The following SAMMSON variants were observed in gnomAD, a reference collection of about 807,000 sequenced individuals.
SAMMSON encodes the protein survival associated mitochondrial melanoma specific oncogenic non-coding RNA.
At chr3:70,056,968 C>G (rs570295598) in intron 3 of SAMMSON, among the ~76,000 whole-genome samples, 2 of 152,016 alleles carry the variant, frequency 1.3e-5, no homozygotes, top group Admixed American at 6.6e-5. Flanking sequence ...ATGAAAATAG[C>G]TGCAACCAGA....
chr3:70,227,673 C>A (rs539717607), intron 4 of SAMMSON, among the ~76,000 whole-genome samples: 6 of 152,306 alleles, frequency 3.9e-5, no homozygotes, highest in African/African-American at 1.2e-4. Flanking sequence ...TTAACAATTT[C>A]TACAGGCTTT....
intron 3 of SAMMSON, among the ~76,000 whole-genome samples, chr3:70,035,241 C>G (rs2067081014): frequency 6.6e-6 from 1 of 152,100 alleles, no homozygotes. Flanking sequence ...TTAGGGCTGT[C>G]CACATCCTGT....
At chr3:70,330,931 T>C (rs964053625) in intron 7 of SAMMSON, among the ~76,000 whole-genome samples, 2 of 152,182 alleles carry the variant, frequency 1.3e-5, no homozygotes, top group Non-Finnish European at 2.9e-5. Context: ...TATACACTTA[T>C]AAGTGAAAGG....
rs181074047 is a variant in SAMMSON at position 70,142,293 on chromosome 3, A to T, written n.507+70728A>T. ...ATGGAACCAACCCAAGTGGCCATCA[A>T]TCAACAAGTGGATAAAGAAACTGTG... On this transcript the variant is annotated intron_variant and non_coding_transcript_variant, in intron 4 of 9. Transcript: ENST00000642114. 4.6e-4 allele frequency among the ~76,000 whole-genome samples: 70 copies of T among 152,340 alleles called. 1 individual carries two copies. The East Asian group carries it at 0.01, about 23-fold the overall frequency.
Position 70,029,855 on chromosome 3 carries a change from G to T in SAMMSON, n.417+16183G>T, listed in dbSNP as rs2107583488. Among the ~76,000 whole-genome samples, 3 of 151,844 alleles carry T rather than the reference G, an allele frequency of 2.0e-5. No individual in the cohort carries two copies. In the South Asian group the frequency reaches 6.3e-4, roughly 32 times the overall value. On this transcript the variant is annotated intron_variant and non_coding_transcript_variant, in intron 3 of 9. Coordinates refer to ENST00000642114, the Ensembl canonical transcript of SAMMSON. ...TAACTTCCAATAGGAAGAATTGGTT[G>T]AAATCCTTGCTTTTTACTATTTGAG...
At chr3:70,155,763 G>A (rs1180078389) in intron 4 of SAMMSON, among the ~76,000 whole-genome samples, 1 of 151,790 alleles carries the variant, frequency 6.6e-6, no homozygotes, top group East Asian at 1.9e-4. Flanking sequence ...CTTTGTTCTT[G>A]CAAAACTGAT....
At chr3:70,148,419 TG>T (rs1248109921) in intron 4 of SAMMSON, among the ~76,000 whole-genome samples, 1 of 152,168 alleles carries the variant, frequency 6.6e-6, no homozygotes, top group East Asian at 1.9e-4. Flanking sequence ...TTAAAAATCT[TG>T]TGCAATAGCT....
intron 7 of SAMMSON, among the ~76,000 whole-genome samples, chr3:70,337,122 T>G (rs1266059761): frequency 9.4e-6 from 1 of 106,858 alleles, no homozygotes; most frequent in Non-Finnish European, 2.1e-5. Context: ...TTCTTATTAA[T>G]AATAATATCT....
intron 4 of SAMMSON, among the ~76,000 whole-genome samples, chr3:70,081,223 C>T (rs1479490241): frequency 1.3e-5 from 2 of 152,210 alleles, no homozygotes; most frequent in African/African-American, 4.8e-5. Context: ...ACTCCATTCT[C>T]CTGCCTCAGC....
intron 3 of SAMMSON, among the ~76,000 whole-genome samples, chr3:70,049,948 A>G (rs2067140158): frequency 1.3e-5 from 2 of 152,128 alleles, no homozygotes; most frequent in Non-Finnish European, 2.9e-5. Flanking sequence ...CAGCTGCCCC[A>G]TTCACATTTA....
At chr3:70,342,663 G>GA (rs1702719904) in intron 7 of SAMMSON, among the ~76,000 whole-genome samples, 1 of 152,116 alleles carries the variant, frequency 6.6e-6, no homozygotes, top group Admixed American at 6.6e-5. Flanking sequence ...GAGTTTATGA[G>GA]ATATACACCC....
At chr3:70,283,876 T>C (rs1047461156) in intron 6 of SAMMSON, 6 of 152,016 alleles carry the variant, frequency 3.9e-5, no homozygotes, top group Non-Finnish European at 8.8e-5. Flanking sequence ...TTTAAGAGAA[T>C]GTGTAAAATG....
intron 3 of SAMMSON, chr3:70,024,737 G>T (rs1009610070): frequency 6.6e-5 from 10 of 152,182 alleles, no homozygotes; most frequent in Non-Finnish European, 1.3e-4. Flanking sequence ...CATTTAGGCT[G>T]GTTCCAAGAA....
In SAMMSON at chr3:70,055,693, G is replaced by T. The variant is rs542069230; in HGVS notation, n.418-15783G>T. Among the ~76,000 whole-genome samples, 5 of 152,198 alleles carry T rather than the reference G, an allele frequency of 3.3e-5. No individual in the cohort carries two copies. The East Asian group carries it at 9.7e-4, about 29-fold the overall frequency. On this transcript the variant is annotated intron_variant and non_coding_transcript_variant, in intron 3 of 9. Transcript: ENST00000642114. ...TCTTTTCTAAGGCATGTGGAATTTT[G>T]CATAAATTCTAAATAATGTGTTGTT...
chr3:70,022,953 C>T (rs557684066), intron 3 of SAMMSON, among the ~76,000 whole-genome samples: 16 of 152,278 alleles, frequency 1.1e-4, no homozygotes, highest in African/African-American at 3.4e-4. Flanking sequence ...GTTGGTATTT[C>T]ATGTAATTGC....
At chr3:70,289,210 TC>T (rs1702201442) in intron 6 of SAMMSON, among the ~76,000 whole-genome samples, 1 of 150,630 alleles carries the variant, frequency 6.6e-6, no homozygotes, top group African/African-American at 2.4e-5. Context: ...GTTGTTCCTT[TC>T]CATGTTTAGC....
chr3:70,418,904 G>T lies in SAMMSON; in HGVS notation n.234-43656G>T, dbSNP rs151077071. ...CTCTAATGGAACTCAAAATCCAAGG[G>T]TTTGATGTTTGCTTTCTTTCCTTTC... On this transcript the variant is annotated intron_variant and non_coding_transcript_variant, in intron 2 of 3. Transcript: ENST00000641053. Among the ~76,000 whole-genome samples the T allele has an allele frequency of 4.4e-3, 559 of 127,234 alleles. 3 individuals are homozygous for T. The highest frequency in any genetic ancestry group is 0.016 in the African/African-American group (534 of 32,880). 83.5% of individuals were successfully genotyped at this position (127,234 alleles called of 152,430 possible). A position where few individuals can be genotyped will look rare whatever the true frequency, so the allele number is the denominator to read the frequency against.
At chr3:70,290,568 T>C (rs908352277) in intron 6 of SAMMSON, among the ~76,000 whole-genome samples, 7 of 152,232 alleles carry the variant, frequency 4.6e-5, no homozygotes, top group Non-Finnish European at 8.8e-5. Flanking sequence ...CAGGCCTCCT[T>C]GAGCTGTGGT....
intron 8 of SAMMSON, among the ~76,000 whole-genome samples, chr3:70,357,486 T>C (rs1702838011): frequency 6.6e-6 from 1 of 152,152 alleles, no homozygotes; most frequent in Non-Finnish European, 1.5e-5. Flanking sequence ...AAATTTTTTA[T>C]TTTAAAAGTT....
Sources: gnomAD v4.1 joint callset for allele counts (sites outside exome capture counted in the v4.1 genomes callset) on GRCh38, gnomAD v4.1.1 for gene constraint, MANE v1.5 for transcripts, NCBI Gene and HGNC (gene_info 2026-07-23, HGNC 2026-07-21) for gene names.